Variants in KCNQ5 observed in about 807,000 individuals in gnomAD.
KCNQ5 encodes the protein potassium voltage-gated channel subfamily Q member 5.
In KCNQ5, 30 loss-of-function variants were observed where a neutral mutation model predicts 98.2. The observed-to-expected ratio is 0.31, with a 90% CI of 0.23 to 0.41. KCNQ5 has a LOEUF of 0.41. Among genes scored for constraint, KCNQ5 ranks in the 10% least tolerant of loss-of-function variants. The probability of loss-of-function intolerance (pLI) is 1.00; values close to 1 mark genes in which losing one functional copy is unlikely to be tolerated. For missense variants in KCNQ5, 835 were observed against 1,182.5 expected (o/e 0.71, Z 4.31); for synonymous variants, 458 against 449.4 (o/e 1.02, Z -0.24).
chr6:72,868,803 T>C (rs1891398), intron 1 of KCNQ5, among the ~76,000 whole-genome samples: 2 of 151,888 alleles, frequency 1.3e-5, no homozygotes, highest in African/African-American at 4.8e-5. Flanking sequence ...CCCCACTTCC[T>C]AAGGAAGGTA....
chr6:73,179,762 A>G (rs569636755), intron 11 of KCNQ5, among the ~76,000 whole-genome samples: 1 of 152,262 alleles, frequency 6.6e-6, no homozygotes, highest in Admixed American at 6.5e-5. Flanking sequence ...TCCTCCAGAA[A>G]TCATTTCTGA....
At chr6:73,029,161 A>G (rs1771020839) in intron 2 of KCNQ5, among the ~76,000 whole-genome samples, 1 of 152,200 alleles carries the variant, frequency 6.6e-6, no homozygotes, top group Admixed American at 6.5e-5. Flanking sequence ...TGGGCAAATA[A>G]GAGTGATGGC....
Position 72,809,442 on chromosome 6 carries a change from C to T in KCNQ5, c.398+186855C>T, listed in dbSNP as rs1775129216. 2.0e-5 allele frequency among the ~76,000 whole-genome samples: 3 copies of T among 152,140 alleles called. No individual in the cohort carries two copies. The South Asian group carries it at 6.2e-4, about 32-fold the overall frequency. ...TGGCATGTGCCTGTAATCCCAGCTACTCAGGAGGCTGAGGCAGGGGAATTG... is the reference window on the plus strand; with the variant it reads ...TGGCATGTGCCTGTAATCCCAGCTATTCAGGAGGCTGAGGCAGGGGAATTG... On this transcript the variant is annotated intron_variant, in intron 1 of 13. Transcript: ENST00000370398.
At chr6:72,798,929 C>T (rs56183768) in intron 1 of KCNQ5, among the ~76,000 whole-genome samples, 7 of 151,876 alleles carry the variant, frequency 4.6e-5, no homozygotes, top group African/African-American at 1.7e-4. Context: ...TTTATGAATG[C>T]ATATATATGT....
intron 1 of KCNQ5, among the ~76,000 whole-genome samples, chr6:72,839,656 T>A (rs1776696425): frequency 1.3e-5 from 2 of 152,216 alleles, no homozygotes; most frequent in Admixed American, 1.3e-4. Flanking sequence ...TTTTGTTTTT[T>A]ATTTATTTTA....
intron 11 of KCNQ5, among the ~76,000 whole-genome samples, chr6:73,181,830 T>C (rs1778413197): frequency 1.3e-5 from 2 of 152,240 alleles, no homozygotes; most frequent in African/African-American, 2.4e-5. Flanking sequence ...GCAAGTTACT[T>C]AACCTCTCTG....
intron 1 of KCNQ5, among the ~76,000 whole-genome samples, chr6:72,904,566 G>C (rs2150198082): frequency 6.6e-6 from 1 of 152,220 alleles, no homozygotes; most frequent in African/African-American, 2.4e-5. Flanking sequence ...GGCTAGTAGT[G>C]GTGGATTCTC....
At chr6:72,792,645 T>G (rs1046357624) in intron 1 of KCNQ5, among the ~76,000 whole-genome samples, 3 of 152,216 alleles carry the variant, frequency 2.0e-5, no homozygotes, top group African/African-American at 7.2e-5. Context: ...TGCCTTAAAA[T>G]TTGTGGCTAC....
At chr6:72,896,443 A>G (rs910562142) in intron 1 of KCNQ5, among the ~76,000 whole-genome samples, 1 of 152,124 alleles carries the variant, frequency 6.6e-6, no homozygotes, top group African/African-American at 2.4e-5. Flanking sequence ...AAAAAAAAAA[A>G]TACCTACTTG....
intron 8 of KCNQ5, 45 bp from the exon 9 acceptor site, chr6:73,124,441 T>A: frequency 6.3e-7 from 1 of 1,598,980 alleles, no homozygotes; most frequent in Non-Finnish European, 8.6e-7. Flanking sequence ...ATAAATATAT[T>A]CACTGGTTTA....
At chr6:73,091,004 T>A (rs1301255046) in intron 5 of KCNQ5, among the ~76,000 whole-genome samples, 1 of 152,142 alleles carries the variant, frequency 6.6e-6, no homozygotes, top group Non-Finnish European at 1.5e-5. Flanking sequence ...ATCATTCTAC[T>A]ATAAAGACAA....
chr6:72,807,052 C>CATTT (rs1195158630), intron 1 of KCNQ5, among the ~76,000 whole-genome samples: 3 of 151,658 alleles, frequency 2.0e-5, no homozygotes, highest in Non-Finnish European at 1.5e-5. Flanking sequence ...TGTTTTCTTC[C>CATTT]ATTTATTTAT....
chr6:72,964,298 T>A (rs9351960), intron 1 of KCNQ5, among the ~76,000 whole-genome samples: 133,392 of 152,156 alleles, frequency 0.88, 58,842 homozygotes, highest in Non-Finnish European at 0.93. Context: ...CCTTGCAATT[T>A]CATGTGGATT....
At chr6:72,911,647 A>AATT (rs1022537471) in intron 1 of KCNQ5, among the ~76,000 whole-genome samples, 3 of 152,056 alleles carry the variant, frequency 2.0e-5, no homozygotes, top group African/African-American at 7.2e-5. Flanking sequence ...CAGAAAATCC[A>AATT]ATTATGATGC....
chr6:72,874,487 T>G (rs1472108407), intron 1 of KCNQ5, among the ~76,000 whole-genome samples: 1 of 152,194 alleles, frequency 6.6e-6, no homozygotes, highest in Non-Finnish European at 1.5e-5. Context: ...CAGGAAAATT[T>G]ATTTTCACTT....
intron 2 of KCNQ5, among the ~76,000 whole-genome samples, chr6:73,013,243 A>C (rs1160251286): frequency 6.6e-6 from 1 of 152,146 alleles, no homozygotes; most frequent in African/African-American, 2.4e-5. Flanking sequence ...TCTGGTGGCT[A>C]ATGAAACTGA....
In KCNQ5 at chr6:73,196,436, A is replaced by C. The variant is rs552019983; in HGVS notation, c.*1022A>C. The C allele has an allele frequency of 2.3e-4, 35 of 152,358 alleles. No homozygotes were observed. The highest frequency in any genetic ancestry group is 8.2e-4 in the African/African-American group (34 of 41,574). The allele number at this position is 152,358 out of a possible 1,614,324, so 9.4% of individuals were successfully genotyped here. A position where few individuals can be genotyped will look rare whatever the true frequency, so the allele number is the denominator to read the frequency against. ...AGTAAAAGAAAATGACTTCCCCCTCAAAGGGCAATGAGAGGGAGAGAAACA... is the reference window on the plus strand; with the variant it reads ...AGTAAAAGAAAATGACTTCCCCCTCCAAGGGCAATGAGAGGGAGAGAAACA... On this transcript the variant is annotated 3_prime_UTR_variant, in exon 14 of 14. Coordinates refer to ENST00000370398, the MANE Select transcript of KCNQ5 (RefSeq NM_019842.4).
chr6:73,112,696 G>A (rs1775302630), intron 7 of KCNQ5, among the ~76,000 whole-genome samples: 1 of 152,106 alleles, frequency 6.6e-6, no homozygotes, highest in South Asian at 2.1e-4. Flanking sequence ...TGGGTTGGTG[G>A]GAGATAACCA....
chr6:72,751,967 G>A (rs1026726826), intron 1 of KCNQ5, among the ~76,000 whole-genome samples: 1 of 152,130 alleles, frequency 6.6e-6, no homozygotes, highest in African/African-American at 2.4e-5. Context: ...AAATGGTGGT[G>A]ATAGGATTCA....
Sources: gnomAD v4.1 joint callset for allele counts (sites outside exome capture counted in the v4.1 genomes callset) on GRCh38, gnomAD v4.1.1 for gene constraint, MANE v1.5 for transcripts, NCBI Gene and HGNC (gene_info 2026-07-23, HGNC 2026-07-21) for gene names.